PCDHGA4: variants seen among roughly 807,000 people sequenced by gnomAD.
PCDHGA4 encodes the protein protocadherin gamma-A4.
In PCDHGA4, 38 loss-of-function variants were observed where a neutral mutation model predicts 54.6. The observed-to-expected ratio is 0.70, with a 90% CI of 0.54 to 0.91. PCDHGA4 has a LOEUF of 0.91. Among genes scored for constraint, PCDHGA4 ranks in the 40% least tolerant of loss-of-function variants. The probability of loss-of-function intolerance (pLI) is 0.00; values close to 1 mark genes in which losing one functional copy is unlikely to be tolerated. For synonymous variants in PCDHGA4, 511 were observed against 512.9 expected, an observed-to-expected ratio of 1.00 and a Z score of 0.05; for missense variants, 1,298 against 1,220.9, an observed-to-expected ratio of 1.06 and a Z score of -0.94.
intron 1 of PCDHGA4, chr5:141,370,177 C>T: frequency 2.2e-6 from 1 of 462,820 alleles, no homozygotes; most frequent in Non-Finnish European, 3.8e-6. Context: ...GCGCCGGGTG[C>T]CGCTCTTGGC....
intron 1 of PCDHGA4, among the ~76,000 whole-genome samples, chr5:141,401,772 G>T (rs756327304): frequency 6.6e-6 from 1 of 152,126 alleles, no homozygotes; most frequent in Non-Finnish European, 1.5e-5. Context: ...TAAGTCTTTT[G>T]CTTGGTTTCC....
At chr5:141,471,111 C>T (rs529680278) in intron 1 of PCDHGA4, among the ~76,000 whole-genome samples, 1 of 146,150 alleles carries the variant, frequency 6.8e-6, no homozygotes, top group African/African-American at 2.6e-5. Flanking sequence ...TGCAGTGGTG[C>T]GATCTTACCT....
intron 1 of PCDHGA4, chr5:141,413,448 G>A (rs781717265): frequency 3.1e-6 from 5 of 1,614,122 alleles, no homozygotes; most frequent in Non-Finnish European, 4.2e-6. Context: ...TGATCACCGC[G>A]GGCAGGATAG....
chr5:141,370,114 A>G (rs768527026), intron 1 of PCDHGA4: 72 of 376,222 alleles, frequency 1.9e-4, no homozygotes, highest in Non-Finnish European at 2.7e-4. Flanking sequence ...TCTCCTAACT[A>G]GCTCCTTATT....
At chr5:141,412,434 A>C (rs2095556498) in intron 1 of PCDHGA4, 1 of 152,240 alleles carries the variant, frequency 6.6e-6, no homozygotes, top group Admixed American at 6.5e-5. Flanking sequence ...CAAAAAGGTT[A>C]ATTAAGGCTC....
intron 1 of PCDHGA4, among the ~76,000 whole-genome samples, chr5:141,479,798 G>C (rs892288776): frequency 6.6e-6 from 1 of 152,234 alleles, no homozygotes; most frequent in East Asian, 1.9e-4. Context: ...ATTAATTCAG[G>C]GTGGTATGCA....
chr5:141,385,709 A>C, intron 1 of PCDHGA4: 1 of 259,262 alleles, frequency 3.9e-6, no homozygotes, highest in Non-Finnish European at 6.2e-6. Context: ...TAGCATTCAA[A>C]TATGTAAAAG....
intron 1 of PCDHGA4, among the ~76,000 whole-genome samples, chr5:141,434,692 A>G (rs891952554): frequency 8.5e-5 from 13 of 152,082 alleles, no homozygotes; most frequent in African/African-American, 2.4e-4. Flanking sequence ...CTTGCTGTTA[A>G]TAAATATGTG....
chr5:141,408,339 T>C lies in PCDHGA4; in HGVS notation c.2514+50718T>C, dbSNP rs768142301. 1.7e-5 allele frequency: 27 copies of C among 1,613,672 alleles called. No homozygotes were observed. In the Middle Eastern group the frequency reaches 9.9e-4, roughly 59 times the overall value. ...CCGGAGGAGCTGGCCAAGGGCTCGGTGGTGGGGAACCTCGCTAAGGATCTA... is the reference window on the plus strand; with the variant it reads ...CCGGAGGAGCTGGCCAAGGGCTCGGCGGTGGGGAACCTCGCTAAGGATCTA... On this transcript the variant is annotated intron_variant, in intron 1 of 3. Coordinates refer to ENST00000571252, the MANE Select transcript of PCDHGA4 (RefSeq NM_018917.4).
chr5:141,370,734 T>G (rs1056339551), intron 1 of PCDHGA4: 2 of 1,613,896 alleles, frequency 1.2e-6, no homozygotes, highest in Non-Finnish European at 1.7e-6. Context: ...TGAAAAGCCT[T>G]TAAACTTTTT....
intron 1 of PCDHGA4, chr5:141,492,069 C>A (rs1595083522): frequency 2.1e-6 from 1 of 475,880 alleles, no homozygotes; most frequent in East Asian, 3.3e-5. Context: ...GCCTCCTAGG[C>A]GCCGGCTCCG....
chr5:141,489,126 T>A lies in PCDHGA4; in HGVS notation c.2515-5681T>A. ...TGCAAGCAGGCAAACCTCCGAGCAGTTTTTAAGAGGCTGGAAGGAGACATA... is the reference window on the plus strand; with the variant it reads ...TGCAAGCAGGCAAACCTCCGAGCAGATTTTAAGAGGCTGGAAGGAGACATA... On this transcript the variant is annotated intron_variant, in intron 1 of 3. Transcript: ENST00000571252. This position sits in a 1 kb window ranked among gnomAD's most constrained non-coding sequence, Gnocchi z 4.5. 1.7e-6 allele frequency: 1 copy of A among 585,136 alleles called. No individual in the cohort carries two copies. Among genetic ancestry groups the A allele is most frequent in the Non-Finnish European group, 2.7e-6 (1 of 375,012 alleles). The allele number at this position is 585,136 out of a possible 1,614,324, so 36.2% of individuals were successfully genotyped here.
chr5:141,372,682 C>T, intron 1 of PCDHGA4: 1 of 1,614,010 alleles, frequency 6.2e-7, no homozygotes, highest in Non-Finnish European at 8.5e-7. Flanking sequence ...TCCTCAAACA[C>T]CGAGTTTAAA....
rs575856599 is a variant in PCDHGA4 at position 141,399,712 on chromosome 5, C to T, written c.2514+42091C>T. ...GCTGCGCACCTTCGAACTCACACTA[C>T]AGGCCCGCGACCAGGGCTCGCCTGC... On this transcript the variant is annotated intron_variant, in intron 1 of 3. Transcript: ENST00000571252. The T allele has an allele frequency of 7.4e-6, 12 of 1,613,378 alleles. No individual in the cohort carries two copies. In the East Asian group the frequency reaches 2.2e-4, roughly 30 times the overall value.
At chr5:141,385,414 A>G in intron 1 of PCDHGA4, 1 of 1,472,092 alleles carries the variant, frequency 6.8e-7, no homozygotes. Context: ...GAAAATAGGG[A>G]TTTAAAAAAC....
intron 1 of PCDHGA4, chr5:141,410,789 A>C: frequency 1.3e-6 from 1 of 794,444 alleles, no homozygotes; most frequent in Non-Finnish European, 1.8e-6. Context: ...TATTTGGTTC[A>C]TAAGTTGCTC....
chr5:141,403,390 G>C (rs1471861396), intron 1 of PCDHGA4: 2 of 1,613,920 alleles, frequency 1.2e-6, no homozygotes, highest in Admixed American at 1.7e-5. Flanking sequence ...ACGAAATCGC[G>C]GTTCCTGGAG....
chr5:141,382,777 C>T (rs1778426057), intron 1 of PCDHGA4: 3 of 822,272 alleles, frequency 3.6e-6, no homozygotes, highest in South Asian at 2.0e-5. Flanking sequence ...CTGCACTAAA[C>T]TCAAGCCTCT....
intron 1 of PCDHGA4, chr5:141,409,281 C>A (rs1238898498): frequency 6.2e-7 from 1 of 1,613,874 alleles, no homozygotes; most frequent in Non-Finnish European, 8.5e-7. Flanking sequence ...TTGGAGAATT[C>A]ACCTCCAGGA....
Sources: allele counts gnomAD v4.1 joint callset (sites outside exome capture counted in the v4.1 genomes callset), GRCh38; gene constraint gnomAD v4.1.1; non-coding constraint Gnocchi (gnomAD v3.1); transcripts MANE v1.5; gene names NCBI Gene and HGNC (gene_info 2026-07-23, HGNC 2026-07-21).